The following TCF7L2 variants were observed in gnomAD, a reference collection of about 807,000 sequenced individuals.
The protein encoded by TCF7L2 is transcription factor 7 like 2.
Under a neutral mutation model 77.9 loss-of-function variants are expected in TCF7L2, and 23 were observed. The ratio of observed to expected loss-of-function variants is 0.30; its 90% confidence interval spans 0.21 to 0.42. The LOEUF (loss-of-function observed/expected upper bound fraction) is 0.42, where lower values mean the gene tolerates loss of function less well. Among genes scored for constraint, TCF7L2 ranks in the 10% least tolerant of loss-of-function variants. The probability of loss-of-function intolerance (pLI) is 1.00; values close to 1 mark genes in which losing one functional copy is unlikely to be tolerated. For missense variants in TCF7L2, 654 were observed against 793.1 expected, an observed-to-expected ratio of 0.82 and a Z score of 2.11; for synonymous variants, 413 against 340.2, an observed-to-expected ratio of 1.21 and a Z score of -2.36.
chr10:113,145,904 T>A (rs2069289782), intron 7 of TCF7L2, 107 bp from the exon 8 acceptor site: 1 of 911,090 alleles, frequency 1.1e-6, no homozygotes, highest in African/African-American at 1.7e-5. Context: ...TCTGATCAAA[T>A]GAGAATAAAG....
intron 3 of TCF7L2, among the ~76,000 whole-genome samples, chr10:112,960,555 G>A (rs1026000248): frequency 1.4e-4 from 21 of 152,158 alleles, no homozygotes; most frequent in African/African-American, 5.1e-4. Flanking sequence ...GCAGGGAAGT[G>A]CCATTTTGAA....
At chr10:113,033,292 T>C (rs571703703) in intron 4 of TCF7L2, among the ~76,000 whole-genome samples, 4 of 152,122 alleles carry the variant, frequency 2.6e-5, no homozygotes, top group Non-Finnish European at 5.9e-5. Flanking sequence ...CAGGTCTTGC[T>C]CTGTTGCTCA....
Position 112,956,897 on chromosome 10 carries a change from G to A in TCF7L2, c.381+5290G>A, listed in dbSNP as rs371438469. On this transcript the variant is annotated intron_variant, in intron 3 of 13. Coordinates refer to ENST00000627217, the MANE Select transcript of TCF7L2 (RefSeq NM_001146274.2). Reference sequence around the variant, plus strand: ...TATAAGCAATGAGATGGGGGGAGGTGGTGGTATCCTAATGCAAATGCTGCC... The same window carrying A: ...TATAAGCAATGAGATGGGGGGAGGTAGTGGTATCCTAATGCAAATGCTGCC... 4.5e-4 allele frequency among the ~76,000 whole-genome samples: 69 copies of A among 152,244 alleles called. No individual in the cohort carries two copies. The South Asian group carries it at 0.014, about 31-fold the overall frequency.
chr10:113,078,655 G>T (rs1033365310), intron 5 of TCF7L2, among the ~76,000 whole-genome samples: 1 of 152,028 alleles, frequency 6.6e-6, no homozygotes, highest in Non-Finnish European at 1.5e-5. Context: ...TTACAGGCAT[G>T]AGCCACCACA....
At chr10:113,086,024 AG>A (rs1382738722) in intron 5 of TCF7L2, among the ~76,000 whole-genome samples, 2 of 152,188 alleles carry the variant, frequency 1.3e-5, no homozygotes, top group African/African-American at 2.4e-5. Flanking sequence ...TGGTGGCTGA[AG>A]GTCCTTGTCT....
chr10:113,128,815 A>G (rs1342403714), intron 5 of TCF7L2, among the ~76,000 whole-genome samples: 3 of 152,056 alleles, frequency 2.0e-5, no homozygotes, highest in Non-Finnish European at 4.4e-5. Context: ...GAGTGTCTCA[A>G]CTCAAGTTAA....
At chr10:113,082,082 C>T (rs1388600026) in intron 5 of TCF7L2, among the ~76,000 whole-genome samples, 1 of 151,876 alleles carries the variant, frequency 6.6e-6, no homozygotes, top group East Asian at 1.9e-4. Context: ...AAGTGGTCTG[C>T]CTGCCTTGAC....
At chr10:112,981,128 T>C (rs972994850) in intron 4 of TCF7L2, among the ~76,000 whole-genome samples, 1 of 152,194 alleles carries the variant, frequency 6.6e-6, no homozygotes, top group Non-Finnish European at 1.5e-5. Context: ...TGTTTTCTTG[T>C]CACTTGTTGC....
At chr10:113,090,818 C>A (rs1396988893) in intron 5 of TCF7L2, among the ~76,000 whole-genome samples, 2 of 152,110 alleles carry the variant, frequency 1.3e-5, no homozygotes, top group Non-Finnish European at 1.5e-5. Flanking sequence ...CCCTGTTAGC[C>A]AGGATGGTCT....
chr10:113,021,125 C>T (rs143052818), intron 4 of TCF7L2, among the ~76,000 whole-genome samples: 18 of 152,318 alleles, frequency 1.2e-4, no homozygotes, highest in African/African-American at 4.3e-4. Flanking sequence ...ATGCTTGGCA[C>T]AGGGGCACAG....
intron 4 of TCF7L2, among the ~76,000 whole-genome samples, chr10:112,981,056 C>T (rs2040393637): frequency 6.6e-6 from 1 of 152,158 alleles, no homozygotes; most frequent in South Asian, 2.1e-4. Context: ...TTGAAAGTGT[C>T]CCTAAGCTAA....
intron 5 of TCF7L2, among the ~76,000 whole-genome samples, chr10:113,071,385 G>A (rs1320646980): frequency 1.3e-5 from 2 of 152,048 alleles, no homozygotes; most frequent in Non-Finnish European, 1.5e-5. Context: ...TGCTTTGAGG[G>A]TCCACTGGAG....
chr10:113,029,738 T>G (rs1402575085), intron 4 of TCF7L2, among the ~76,000 whole-genome samples: 1 of 151,988 alleles, frequency 6.6e-6, no homozygotes, highest in Non-Finnish European at 1.5e-5. Flanking sequence ...CTTTGGTCAG[T>G]CTGGTCACAC....
chr10:113,163,557 C>T (rs1592518166), intron 13 of TCF7L2, among the ~76,000 whole-genome samples: 1 of 151,958 alleles, frequency 6.6e-6, no homozygotes, highest in South Asian at 2.1e-4. Context: ...GTTTTTTGAG[C>T]ATGTTTTGAT....
At chr10:113,049,257 A>T (rs1385092505) in intron 5 of TCF7L2, among the ~76,000 whole-genome samples, 1 of 152,022 alleles carries the variant, frequency 6.6e-6, no homozygotes, top group East Asian at 1.9e-4. Context: ...TAGACAGGAA[A>T]TTAGCATGCC....
intron 5 of TCF7L2, among the ~76,000 whole-genome samples, chr10:113,074,859 C>T (rs540227803): frequency 8.5e-5 from 13 of 152,274 alleles, no homozygotes; most frequent in African/African-American, 2.9e-4. Context: ...CTGTCATCAT[C>T]TCATGGGCAC....
At chr10:113,099,481 G>C (rs914501772) in intron 5 of TCF7L2, among the ~76,000 whole-genome samples, 1 of 152,174 alleles carries the variant, frequency 6.6e-6, no homozygotes, top group Non-Finnish European at 1.5e-5. Context: ...TCCCCACCCA[G>C]GCTCTGGAAC....
intron 5 of TCF7L2, among the ~76,000 whole-genome samples, chr10:113,102,654 G>A (rs569298781): frequency 2.6e-5 from 4 of 152,126 alleles, no homozygotes; most frequent in African/African-American, 9.6e-5. Context: ...TTGAACTCCC[G>A]ACCTCAGGTG....
intron 4 of TCF7L2, among the ~76,000 whole-genome samples, chr10:112,991,270 C>T (rs1444074091): frequency 6.6e-6 from 1 of 151,936 alleles, no homozygotes; most frequent in East Asian, 1.9e-4. Flanking sequence ...TGGCTCATGC[C>T]TATAATCCCA....
Sources: gnomAD v4.1 joint callset for allele counts (sites outside exome capture counted in the v4.1 genomes callset) on GRCh38, gnomAD v4.1.1 for gene constraint, MANE v1.5 for transcripts, NCBI Gene and HGNC (gene_info 2026-07-23, HGNC 2026-07-21) for gene names.